Variants in TIMD4 observed in about 807,000 individuals in gnomAD.
TIMD4 encodes T-cell immunoglobulin and mucin domain-containing protein 4.
A neutral mutation model predicts 41.2 loss-of-function variants in TIMD4; 31 were observed. The observed-to-expected ratio is 0.75, with a 90% CI of 0.57 to 1.01. TIMD4 has a LOEUF of 1.01. Among genes scored for constraint, TIMD4 ranks in the 50% least tolerant of loss-of-function variants. TIMD4 has a pLI of 0.00. For synonymous variants in TIMD4, 204 were observed against 177.1 expected, an observed-to-expected ratio of 1.15 and a Z score of -1.21; for missense variants, 479 against 472.5, an observed-to-expected ratio of 1.01 and a Z score of -0.13.
At chr5:156,945,242 C>T (rs550614954) in intron 5 of TIMD4, among the ~76,000 whole-genome samples, 5 of 152,240 alleles carry the variant, frequency 3.3e-5, no homozygotes, top group Non-Finnish European at 7.4e-5. Context: ...AAATCCAGGT[C>T]GGCCATTTAC....
chr5:156,958,245 C>T (rs1250285527), intron 1 of TIMD4, among the ~76,000 whole-genome samples: 3 of 151,322 alleles, frequency 2.0e-5, no homozygotes, highest in African/African-American at 7.3e-5. Context: ...GCACTCCAGC[C>T]TCGGCAGGGT....
At chr5:156,956,017 C>A (rs1006660367) in intron 1 of TIMD4, among the ~76,000 whole-genome samples, 1 of 152,134 alleles carries the variant, frequency 6.6e-6, no homozygotes, top group Admixed American at 6.5e-5. Flanking sequence ...TTGAAATATA[C>A]AACACATGAT....
chr5:156,936,761 C>CAA (rs1181412778), intron 5 of TIMD4, among the ~76,000 whole-genome samples: 2 of 126,868 alleles, frequency 1.6e-5, no homozygotes, highest in African/African-American at 5.9e-5. Context: ...TACAAAAGTA[C>CAA]AAAAAAAAAA....
At chr5:156,921,105 A>G (rs1759227378) in intron 7 of TIMD4, among the ~76,000 whole-genome samples, 1 of 115,044 alleles carries the variant, frequency 8.7e-6, no homozygotes, top group Non-Finnish European at 1.7e-5. Context: ...CTGTTTTTGT[A>G]GCATTTTAAA....
At chr5:156,932,559 T>G (rs187208221) in intron 5 of TIMD4, among the ~76,000 whole-genome samples, 17 of 152,350 alleles carry the variant, frequency 1.1e-4, no homozygotes, top group Non-Finnish European at 1.8e-4. Flanking sequence ...TTAATTACAT[T>G]GTGCCAGTGT....
At chr5:156,926,185 T>C in intron 6 of TIMD4, 78 bp downstream of exon 6, 1 of 1,481,506 alleles carries the variant, frequency 6.7e-7, no homozygotes. Context: ...ATTATAGGCA[T>C]GAGCCACCGT....
At chr5:156,950,104 C>G (rs1196686125) in intron 3 of TIMD4, among the ~76,000 whole-genome samples, 1 of 137,148 alleles carries the variant, frequency 7.3e-6, no homozygotes, top group Non-Finnish European at 1.6e-5. Flanking sequence ...AGGCATGAGC[C>G]ACCACACCTG....
At chr5:156,960,429 A>G (rs375913388) in intron 1 of TIMD4, among the ~76,000 whole-genome samples, 6 of 146,068 alleles carry the variant, frequency 4.1e-5, no homozygotes, top group Admixed American at 3.4e-4. Flanking sequence ...TTTTTTCAGA[A>G]AGAGTCTCAC....
At chr5:156,942,216 T>C (rs111785781) in intron 5 of TIMD4, among the ~76,000 whole-genome samples, 19 of 152,308 alleles carry the variant, frequency 1.2e-4, no homozygotes, top group African/African-American at 4.6e-4. Flanking sequence ...AATGATTCAT[T>C]TGGGGCACAA....
In TIMD4 at chr5:156,959,653, C is replaced by T. The variant is rs146279365; in HGVS notation, c.58+3488G>A. Among the ~76,000 whole-genome samples, 161 of 152,270 alleles carry T rather than the reference C, an allele frequency of 1.1e-3. 1 individual carries two copies. The East Asian group carries it at 0.024, about 22-fold the overall frequency. On this transcript the variant is annotated intron_variant, in intron 1 of 8. Coordinates refer to ENST00000274532, the MANE Select transcript of TIMD4 (RefSeq NM_138379.3). ...CCAATCTGAGTCTCAAAATTGCCAT[C>T]TACAGAGTGAAGGGCATCTTTTAAG...
chr5:156,944,495 CTTTTTTTTTTTTTTTTT>C (rs5872492), intron 5 of TIMD4, among the ~76,000 whole-genome samples: 1 of 69,096 alleles, frequency 1.4e-5, no homozygotes, highest in Non-Finnish European at 2.5e-5. Context: ...GCTGTGTGAT[CTTTTTTTTTTTTTTTTT>C]TTTTTTTTTT....
At chr5:156,932,332 C>T (rs1581614105) in intron 5 of TIMD4, among the ~76,000 whole-genome samples, 1 of 152,268 alleles carries the variant, frequency 6.6e-6, no homozygotes, top group East Asian at 1.9e-4. Flanking sequence ...TATCATTTCC[C>T]TGAAGCAGCG....
intron 5 of TIMD4, among the ~76,000 whole-genome samples, chr5:156,938,347 C>T (rs1422272001): frequency 6.6e-6 from 1 of 152,192 alleles, no homozygotes; most frequent in African/African-American, 2.4e-5. Context: ...GTTTGTTAAA[C>T]ATATGATTTC....
intron 3 of TIMD4, 60 bp from the exon 4 acceptor site, chr5:156,949,791 G>T: frequency 9.6e-7 from 1 of 1,041,862 alleles, no homozygotes; most frequent in Middle Eastern, 2.3e-4. Flanking sequence ...GTTTGTGGTG[G>T]GTGGTGGGAT....
intron 2 of TIMD4, among the ~76,000 whole-genome samples, chr5:156,953,410 C>A (rs1406092402): frequency 6.6e-6 from 1 of 151,976 alleles, no homozygotes; most frequent in African/African-American, 2.4e-5. Flanking sequence ...AATCCCAGCA[C>A]TTTGGGAGGC....
chr5:156,952,715 G>C (rs1403226357), intron 2 of TIMD4, among the ~76,000 whole-genome samples: 1 of 152,128 alleles, frequency 6.6e-6, no homozygotes, highest in Non-Finnish European at 1.5e-5. Flanking sequence ...TTTCATAACT[G>C]CACATTTATT....
chr5:156,929,676 G>A (rs2113349763), intron 5 of TIMD4, among the ~76,000 whole-genome samples: 1 of 152,322 alleles, frequency 6.6e-6, no homozygotes, highest in East Asian at 1.9e-4. Context: ...GAGCATGGCT[G>A]TGCCAACCCC....
chr5:156,956,881 T>C (rs1468487432), intron 1 of TIMD4, among the ~76,000 whole-genome samples: 2 of 152,160 alleles, frequency 1.3e-5, no homozygotes, highest in Admixed American at 6.5e-5. Context: ...GGCTAAGTTA[T>C]AGAAGGCATG....
intron 5 of TIMD4, among the ~76,000 whole-genome samples, chr5:156,947,925 T>C (rs1185214913): frequency 1.3e-5 from 2 of 152,108 alleles, no homozygotes; most frequent in Non-Finnish European, 2.9e-5. Flanking sequence ...TAATTTAAAA[T>C]AAAAAAACAA....
Sources: allele counts gnomAD v4.1 joint callset (sites outside exome capture counted in the v4.1 genomes callset), GRCh38; gene constraint gnomAD v4.1.1; transcripts MANE v1.5; gene names NCBI Gene and HGNC (gene_info 2026-07-23, HGNC 2026-07-21).